CTNNA2: variants seen among roughly 807,000 people sequenced by gnomAD.
The protein encoded by CTNNA2 is catenin alpha-2.
CTNNA2 carries 42 observed loss-of-function variants against 101.0 expected under a neutral mutation model. The ratio of observed to expected loss-of-function variants is 0.42; its 90% CI spans 0.32 to 0.54. The LOEUF (loss-of-function observed/expected upper bound fraction) is 0.54. CTNNA2 is among the 20% of genes least tolerant of loss of function. CTNNA2 has a pLI of 0.14. For missense variants in CTNNA2, 871 were observed against 1,223.1 expected (o/e 0.71, Z 4.29); for synonymous variants, 450 against 456.4 (o/e 0.99, Z 0.18).
At chr2:79,370,421 G>T (rs150694729) in intron 3 of CTNNA2, among the ~76,000 whole-genome samples, 1 of 152,270 alleles carries the variant, frequency 6.6e-6, no homozygotes, top group African/African-American at 2.4e-5. Context: ...GTGAATATTT[G>T]CAGGTTGCCC....
At chr2:79,982,530 T>G (rs1401846555) in intron 7 of CTNNA2, among the ~76,000 whole-genome samples, 3 of 150,752 alleles carry the variant, frequency 2.0e-5, no homozygotes, top group Non-Finnish European at 3.0e-5. Context: ...TATATATATT[T>G]TGTAGAAATG....
At chr2:79,279,183 C>G (rs764273772) in intron 2 of CTNNA2, among the ~76,000 whole-genome samples, 1 of 152,008 alleles carries the variant, frequency 6.6e-6, no homozygotes, top group Non-Finnish European at 1.5e-5. Flanking sequence ...CCAGCCCTTC[C>G]AAGGTACTCA....
intron 1 of CTNNA2, among the ~76,000 whole-genome samples, chr2:79,592,211 C>T (rs138107299): frequency 0.024 from 3,595 of 151,734 alleles, 145 homozygotes; most frequent in African/African-American, 0.081. Context: ...ACCTCTGCCT[C>T]CCGGGTTCAG....
chr2:79,246,176 T>C (rs1674698376), intron 2 of CTNNA2, among the ~76,000 whole-genome samples: 1 of 152,174 alleles, frequency 6.6e-6, no homozygotes, highest in Non-Finnish European at 1.5e-5. Flanking sequence ...GAATAAGTCT[T>C]TTACCATTGC....
intron 9 of CTNNA2, among the ~76,000 whole-genome samples, chr2:80,433,179 A>G (rs925797372): frequency 1.1e-4 from 17 of 152,262 alleles, no homozygotes; most frequent in Middle Eastern, 3.4e-3. Context: ...TAGAGCTTAA[A>G]AAAACCTAAT....
chr2:80,592,011 G>A (rs1573388080), intron 15 of CTNNA2, among the ~76,000 whole-genome samples: 1 of 152,176 alleles, frequency 6.6e-6, no homozygotes, highest in South Asian at 2.1e-4. Context: ...GAAAGAAATC[G>A]CATGTTGCTA....
At chr2:80,066,216 G>A (rs1697977003) in intron 7 of CTNNA2, among the ~76,000 whole-genome samples, 1 of 152,176 alleles carries the variant, frequency 6.6e-6, no homozygotes, top group African/African-American at 2.4e-5. Flanking sequence ...TCATTTGTCT[G>A]GTTTTGCTTT....
At chr2:80,010,292 A>G (rs1290652268) in intron 7 of CTNNA2, among the ~76,000 whole-genome samples, 1 of 152,080 alleles carries the variant, frequency 6.6e-6, no homozygotes, top group African/African-American at 2.4e-5. Flanking sequence ...CTCATTAACT[A>G]TTCTGTAGGC....
intron 7 of CTNNA2, among the ~76,000 whole-genome samples, chr2:80,181,438 A>T (rs914482733): frequency 6.6e-6 from 1 of 152,146 alleles, no homozygotes; most frequent in Non-Finnish European, 1.5e-5. Flanking sequence ...GCAGGGTCCC[A>T]TTCTTTTCCA....
intron 4 of CTNNA2, among the ~76,000 whole-genome samples, chr2:79,402,924 G>A (rs1247663709): frequency 1.3e-5 from 2 of 151,718 alleles, no homozygotes; most frequent in Non-Finnish European, 3.0e-5. Context: ...GAGTAAAAAT[G>A]AAAATACAGC....
intron 3 of CTNNA2, among the ~76,000 whole-genome samples, chr2:79,749,518 C>T (rs1671869628): frequency 6.6e-6 from 1 of 152,046 alleles, no homozygotes; most frequent in Non-Finnish European, 1.5e-5. Flanking sequence ...ATATTATCTT[C>T]CTAATGTAAG....
intron 3 of CTNNA2, among the ~76,000 whole-genome samples, chr2:79,353,371 A>G (rs1160188007): frequency 6.6e-6 from 1 of 152,148 alleles, no homozygotes; most frequent in East Asian, 1.9e-4. Context: ...CATGATTTCA[A>G]TTTTTTGAAT....
intron 1 of CTNNA2, among the ~76,000 whole-genome samples, chr2:79,188,150 G>A (rs1673806469): frequency 6.6e-6 from 1 of 152,112 alleles, no homozygotes; most frequent in African/African-American, 2.4e-5. Flanking sequence ...TTTTTAATAT[G>A]TTCATTAAAA....
chr2:80,625,938 C>T (rs963010992), intron 18 of CTNNA2, among the ~76,000 whole-genome samples: 1 of 151,918 alleles, frequency 6.6e-6, no homozygotes, highest in African/African-American at 2.4e-5. Context: ...ATATTAAACC[C>T]TTTTTAAGAA....
Position 79,992,417 on chromosome 2 carries a change from A to G in CTNNA2, c.1056+82620A>G, listed in dbSNP as rs75064412. 1.8e-4 allele frequency among the ~76,000 whole-genome samples: 28 copies of G among 152,376 alleles called. No homozygotes were observed. In the East Asian group the frequency reaches 5.2e-3, roughly 28 times the overall value. ...AGAACCAAAATGTGTGAGGAATGATATATTTTGGTTAATAGAGCTTTCCAT... is the reference window on the plus strand; with the variant it reads ...AGAACCAAAATGTGTGAGGAATGATGTATTTTGGTTAATAGAGCTTTCCAT... On this transcript the variant is annotated intron_variant, in intron 7 of 18. Transcript: ENST00000402739.
chr2:80,219,392 C>T (rs569603566), intron 7 of CTNNA2, among the ~76,000 whole-genome samples: 1 of 152,100 alleles, frequency 6.6e-6, no homozygotes, highest in African/African-American at 2.4e-5. Flanking sequence ...ACACAATGTT[C>T]CTATAGCATT....
chr2:79,689,053 C>T (rs1487401388), intron 2 of CTNNA2, among the ~76,000 whole-genome samples: 1 of 151,004 alleles, frequency 6.6e-6, no homozygotes, highest in Non-Finnish European at 1.5e-5. Context: ...AGCTGGGATC[C>T]GTCTTCCCAA....
At chr2:79,803,874 T>A (rs10184283) in intron 3 of CTNNA2, among the ~76,000 whole-genome samples, 12,004 of 152,286 alleles carry the variant, frequency 0.079, 795 homozygotes, top group East Asian at 0.37. Context: ...TAGGCTAAGT[T>A]AAAGAACCAT....
chr2:80,244,982 C>T (rs958968731), intron 7 of CTNNA2, among the ~76,000 whole-genome samples: 2 of 152,180 alleles, frequency 1.3e-5, no homozygotes, highest in African/African-American at 4.8e-5. Flanking sequence ...TGTGACAAAG[C>T]GGGCGTTTTT....
Sources: gnomAD v4.1 joint callset for allele counts (sites outside exome capture counted in the v4.1 genomes callset) on GRCh38, gnomAD v4.1.1 for gene constraint, MANE v1.5 for transcripts, NCBI Gene and HGNC (gene_info 2026-07-23, HGNC 2026-07-21) for gene names.